Variants in GABRB2 observed in about 807,000 individuals in gnomAD.
GABRB2 encodes the protein gamma-aminobutyric acid receptor subunit beta-2.
A neutral mutation model predicts 54.7 loss-of-function variants in GABRB2; 16 were observed. The ratio of observed to expected loss-of-function variants is 0.29; its 90% confidence interval spans 0.20 to 0.44. The LOEUF (loss-of-function observed/expected upper bound fraction) is 0.44, where lower values mean the gene tolerates loss of function less well. GABRB2 is among the 20% of genes least tolerant of loss of function. The pLI, the probability that GABRB2 is intolerant of heterozygous loss-of-function variation, is 1.00. For synonymous variants in GABRB2, 244 were observed against 233.8 expected, an observed-to-expected ratio of 1.04 and a Z score of -0.40; for missense variants, 355 against 644.0, an observed-to-expected ratio of 0.55 and a Z score of 4.86.
At chr5:161,512,736 A>C (rs1759815168) in intron 3 of GABRB2, among the ~76,000 whole-genome samples, 1 of 152,102 alleles carries the variant, frequency 6.6e-6, no homozygotes, top group Non-Finnish European at 1.5e-5. Flanking sequence ...TGAACTAAAG[A>C]GCGTCTGCAC....
chr5:161,438,087 G>T (rs1462908952), intron 4 of GABRB2, among the ~76,000 whole-genome samples: 2 of 152,200 alleles, frequency 1.3e-5, no homozygotes, highest in African/African-American at 4.8e-5. Context: ...AGCAGGCCTT[G>T]TCCAAGACCC....
chr5:161,303,799 A>G (rs986794300), intron 9 of GABRB2, among the ~76,000 whole-genome samples: 10 of 152,098 alleles, frequency 6.6e-5, no homozygotes, highest in African/African-American at 2.4e-4. Flanking sequence ...AACCTCAGAG[A>G]TGAGCGCAGG....
At chr5:161,489,195 C>A (rs765673254) in intron 3 of GABRB2, among the ~76,000 whole-genome samples, 4 of 151,590 alleles carry the variant, frequency 2.6e-5, no homozygotes, top group Non-Finnish European at 4.4e-5. Context: ...CAGAGAAGAT[C>A]AGCCTAGTTT....
intron 9 of GABRB2, among the ~76,000 whole-genome samples, chr5:161,322,030 A>G (rs991959045): frequency 1.3e-5 from 2 of 152,192 alleles, no homozygotes; most frequent in South Asian, 4.1e-4. Flanking sequence ...ACATCATAGC[A>G]GTTAAATATG....
chr5:161,519,393 A>G (rs1760046185), intron 3 of GABRB2, among the ~76,000 whole-genome samples: 1 of 152,158 alleles, frequency 6.6e-6, no homozygotes, highest in Non-Finnish European at 1.5e-5. Flanking sequence ...TCCCAGATAC[A>G]CACCCATGAC....
chr5:161,383,198 T>C (rs1755521152), intron 5 of GABRB2, among the ~76,000 whole-genome samples: 1 of 152,162 alleles, frequency 6.6e-6, no homozygotes, highest in Admixed American at 6.5e-5. Context: ...TGCTGTACAT[T>C]AGGTCCCCAA....
chr5:161,470,328 T>A (rs761701552), intron 3 of GABRB2, among the ~76,000 whole-genome samples: 1 of 151,930 alleles, frequency 6.6e-6, no homozygotes. Flanking sequence ...AAGACCCCCA[T>A]TGGATGTCTG....
chr5:161,326,295 T>C, intron 9 of GABRB2, 73 bp downstream of exon 9: 2 of 1,590,150 alleles, frequency 1.3e-6, no homozygotes, highest in African/African-American at 1.4e-5. Flanking sequence ...CCCACACATT[T>C]TTTAAGGGAA....
chr5:161,475,645 G>T (rs1266108577), intron 3 of GABRB2, among the ~76,000 whole-genome samples: 2 of 151,910 alleles, frequency 1.3e-5, no homozygotes, highest in Non-Finnish European at 2.9e-5. Context: ...GGAATGCAAA[G>T]ATGGTTCAAC....
chr5:161,396,034 G>A (rs961484254), intron 5 of GABRB2, among the ~76,000 whole-genome samples: 1 of 152,118 alleles, frequency 6.6e-6, no homozygotes, highest in Non-Finnish European at 1.5e-5. Context: ...AGAAAAAAGA[G>A]AAAAACTTAC....
At chr5:161,395,678 A>C (rs1419801238) in intron 5 of GABRB2, among the ~76,000 whole-genome samples, 2 of 152,190 alleles carry the variant, frequency 1.3e-5, no homozygotes, top group African/African-American at 4.8e-5. Context: ...TGTAGGAGTT[A>C]GCTAAGCAAA....
intron 4 of GABRB2, among the ~76,000 whole-genome samples, chr5:161,412,334 A>G (rs1756538694): frequency 6.6e-6 from 1 of 152,160 alleles, no homozygotes; most frequent in Admixed American, 6.5e-5. Flanking sequence ...TAAGTCTCCT[A>G]GAGCTGACAT....
intron 3 of GABRB2, among the ~76,000 whole-genome samples, chr5:161,485,003 C>T (rs1581025136): frequency 1.3e-5 from 2 of 151,934 alleles, no homozygotes; most frequent in East Asian, 3.9e-4. Context: ...GCTTGATCTG[C>T]TAGGATCCCG....
chr5:161,472,203 G>A (rs1447491659), intron 3 of GABRB2, among the ~76,000 whole-genome samples: 1 of 151,724 alleles, frequency 6.6e-6, no homozygotes, highest in Non-Finnish European at 1.5e-5. Flanking sequence ...TTTTCCAAGT[G>A]ACACATCTGG....
At chr5:161,311,340 G>C (rs1757862894) in intron 9 of GABRB2, among the ~76,000 whole-genome samples, 1 of 152,302 alleles carries the variant, frequency 6.6e-6, no homozygotes, top group Admixed American at 6.5e-5. Context: ...ACTGAAGAAA[G>C]ATATTTTAAA....
chr5:161,375,007 T>C lies in GABRB2; in HGVS notation c.541+35968A>G, dbSNP rs73797592. 4.4e-3 allele frequency among the ~76,000 whole-genome samples: 664 copies of C among 152,320 alleles called. 8 individuals are homozygous for C. The highest frequency in any genetic ancestry group is 0.014 in the African/African-American group (590 of 41,584). On this transcript the variant is annotated intron_variant, in intron 5 of 9. Coordinates refer to ENST00000393959, the MANE Select transcript of GABRB2 (RefSeq NM_001371727.1). ...AAAAGTCATTTTTTGCATGTTTTACTATTGCTAACCATGTATAGTTCAGCG... is the reference window on the plus strand; with the variant it reads ...AAAAGTCATTTTTTGCATGTTTTACCATTGCTAACCATGTATAGTTCAGCG...
intron 4 of GABRB2, among the ~76,000 whole-genome samples, chr5:161,434,416 C>T (rs1323512059): frequency 3.3e-5 from 5 of 152,104 alleles, no homozygotes; most frequent in Admixed American, 6.6e-5. Flanking sequence ...AGATAAAGTC[C>T]AGGCTCTTAA....
chr5:161,376,012 A>G (rs1755283304), intron 5 of GABRB2, among the ~76,000 whole-genome samples: 1 of 152,146 alleles, frequency 6.6e-6, no homozygotes, highest in Non-Finnish European at 1.5e-5. Flanking sequence ...CTTGGATAAA[A>G]ATGTGCATCT....
chr5:161,510,495 T>A (rs1759736013), intron 3 of GABRB2, among the ~76,000 whole-genome samples: 1 of 151,976 alleles, frequency 6.6e-6, no homozygotes, highest in Non-Finnish European at 1.5e-5. Context: ...TTTCAAAAAA[T>A]TCTTTTTGAA....
Sources: allele counts gnomAD v4.1 joint callset (sites outside exome capture counted in the v4.1 genomes callset), GRCh38; gene constraint gnomAD v4.1.1; transcripts MANE v1.5; gene names NCBI Gene and HGNC (gene_info 2026-07-23, HGNC 2026-07-21).